Variants in CNTLN observed in about 807,000 individuals in gnomAD.
CNTLN encodes centlein, also known as centlein, centrosomal protein.
A neutral mutation model predicts 180.0 loss-of-function variants in CNTLN; 212 were observed. That is an observed-to-expected ratio of 1.18 (90% CI 1.05 to 1.32). The LOEUF (loss-of-function observed/expected upper bound fraction) is 1.32. Ranked by LOEUF, CNTLN falls within the 40% of genes most tolerant of loss-of-function variation. The pLI, the probability that CNTLN is intolerant of heterozygous loss-of-function variation, is 0.00. For missense variants in CNTLN, 2,095 were observed against 1,610.9 expected, an observed-to-expected ratio of 1.30 and a Z score of -5.14; for synonymous variants, 722 against 563.1, an observed-to-expected ratio of 1.28 and a Z score of -3.99.
intron 6 of CNTLN, among the ~76,000 whole-genome samples, chr9:17,279,551 A>G (rs1828529881): frequency 6.6e-6 from 1 of 151,800 alleles, no homozygotes; most frequent in South Asian, 2.1e-4. Context: ...CTGATGCTCC[A>G]GTTTGGTTCT....
chr9:17,416,154 G>T lies in CNTLN; in HGVS notation c.3079G>T (p.Asp1027Tyr). Residue 1027 changes from aspartate to tyrosine, a missense_variant, in exon 18 of 26, where the codon GAT (aspartate) becomes TAT (tyrosine). Asp to Tyr is a radical substitution (Grantham distance 160, BLOSUM62 -3). Transcript: ENST00000380647. ...EKLLHQQQVS[D>Y]QRFQTSRQTI... ...GCTCCTCCATCAACAGCAAGTATCC[G>T]ATCAACGATTTCAGACAAGCAGGCA... is the stretch of plus-strand genomic sequence containing the variant. 2 of 1,613,286 alleles carry T rather than the reference G, an allele frequency of 1.2e-6. No homozygotes were observed. Among genetic ancestry groups the T allele is most frequent in the Non-Finnish European group, 1.7e-6 (2 of 1,179,670 alleles).
chr9:17,505,373 A>G, downstream of CNTLN, among the ~76,000 whole-genome samples: 1 of 152,096 alleles, frequency 6.6e-6, no homozygotes, highest in East Asian at 1.9e-4. Context: ...TTGGAAAGGA[A>G]AAAGAAAAAT....
chr9:17,513,820 G>A, the CNTLN span, among the ~76,000 whole-genome samples: 1 of 152,094 alleles, frequency 6.6e-6, no homozygotes, highest in Non-Finnish European at 1.5e-5. Flanking sequence ...ATATAACGAA[G>A]CTGATCTTTA....
intron 5 of CNTLN, among the ~76,000 whole-genome samples, chr9:17,266,075 T>C (rs1238296385): frequency 6.6e-6 from 1 of 152,104 alleles, no homozygotes; most frequent in African/African-American, 2.4e-5. Context: ...TCTTGCCTTC[T>C]GCTAGCTTTT....
intron 2 of CNTLN, among the ~76,000 whole-genome samples, chr9:17,214,881 C>T (rs1030914428): frequency 3.3e-5 from 5 of 152,192 alleles, no homozygotes; most frequent in Admixed American, 6.5e-5. Flanking sequence ...ACGTAGTCCT[C>T]GTGCCATGGT....
At chr9:17,272,557 T>G in intron 5 of CNTLN, among the ~76,000 whole-genome samples, 1 of 152,188 alleles carries the variant, frequency 6.6e-6, no homozygotes, top group African/African-American at 2.4e-5. Flanking sequence ...AGCTAGATCT[T>G]CTTTCCAGCC....
chr9:17,443,143 G>A (rs766419939), intron 18 of CNTLN, among the ~76,000 whole-genome samples: 7 of 152,304 alleles, frequency 4.6e-5, no homozygotes, highest in Non-Finnish European at 1.0e-4. Context: ...TGTCTTTGAT[G>A]TTGTACTTGA....
intron 1 of CNTLN, among the ~76,000 whole-genome samples, chr9:17,137,946 A>G (rs1301819882): frequency 6.6e-6 from 1 of 152,208 alleles, no homozygotes; most frequent in Non-Finnish European, 1.5e-5. Context: ...TGAACTATAA[A>G]TAATGCTTAT....
intron 18 of CNTLN, chr9:17,448,644 G>T (rs991178314): frequency 8.5e-5 from 13 of 152,214 alleles, no homozygotes; most frequent in African/African-American, 3.1e-4. Flanking sequence ...TACAGATAAT[G>T]CTGTTAACAT....
intron 18 of CNTLN, among the ~76,000 whole-genome samples, chr9:17,426,675 A>G (rs1473606358): frequency 6.6e-6 from 1 of 152,022 alleles, no homozygotes; most frequent in East Asian, 1.9e-4. Context: ...ACAAACTTAT[A>G]TATTCTTTCA....
chr9:17,153,982 A>G (rs1470325773), intron 2 of CNTLN, among the ~76,000 whole-genome samples: 2 of 152,162 alleles, frequency 1.3e-5, no homozygotes, highest in African/African-American at 4.8e-5. Context: ...CAAAGTTCTC[A>G]TGCTGTGTTT....
At chr9:17,159,045 C>T (rs544969711) in intron 2 of CNTLN, among the ~76,000 whole-genome samples, 6 of 152,174 alleles carry the variant, frequency 3.9e-5, no homozygotes, top group African/African-American at 1.2e-4. Context: ...TTTTTATTTT[C>T]GCTAATCTCA....
At chr9:17,340,717 A>T (rs183762894) in intron 10 of CNTLN, 110 bp from the exon 11 acceptor site, 1 of 821,854 alleles carries the variant, frequency 1.2e-6, no homozygotes, top group Non-Finnish European at 1.7e-6. Context: ...ATTTATGTTT[A>T]CACACTATTT....
At chr9:17,397,729 C>A (rs1826648564) in intron 15 of CNTLN, among the ~76,000 whole-genome samples, 2 of 152,148 alleles carry the variant, frequency 1.3e-5, no homozygotes, top group Admixed American at 1.3e-4. Context: ...GTTTCAAACA[C>A]CTCTGACATT....
At chr9:17,451,022 C>T in intron 18 of CNTLN, among the ~76,000 whole-genome samples, 1 of 152,066 alleles carries the variant, frequency 6.6e-6, no homozygotes, top group East Asian at 1.9e-4. Flanking sequence ...AAAATGATAG[C>T]ATTGTCTTGA....
chr9:17,244,357 A>G (rs1005032227), intron 5 of CNTLN, among the ~76,000 whole-genome samples: 24 of 151,944 alleles, frequency 1.6e-4, no homozygotes, highest in Admixed American at 1.5e-3. Flanking sequence ...GGCTACAGGC[A>G]TATACCACTA....
intron 18 of CNTLN, among the ~76,000 whole-genome samples, chr9:17,446,722 T>A (rs1005845945): frequency 6.6e-6 from 1 of 152,176 alleles, no homozygotes; most frequent in Non-Finnish European, 1.5e-5. Context: ...TTATGAGCAA[T>A]TTAATACTAT....
chr9:17,204,172 A>G (rs959674351), intron 2 of CNTLN, among the ~76,000 whole-genome samples: 24 of 152,096 alleles, frequency 1.6e-4, no homozygotes, highest in African/African-American at 4.6e-4. Context: ...CAGTTTGTCA[A>G]TCTCGTTCTC....
intron 6 of CNTLN, among the ~76,000 whole-genome samples, chr9:17,291,341 G>A (rs1353171503): frequency 6.6e-6 from 1 of 152,126 alleles, no homozygotes; most frequent in Non-Finnish European, 1.5e-5. Context: ...CCAGAGCTTA[G>A]TTCATGTCCT....
Sources: allele counts gnomAD v4.1 joint callset (sites outside exome capture counted in the v4.1 genomes callset), GRCh38; gene constraint gnomAD v4.1.1; transcripts MANE v1.5; gene names NCBI Gene and HGNC (gene_info 2026-07-23, HGNC 2026-07-21).